The following SLC47A1 variants were observed in gnomAD, a reference collection of about 807,000 sequenced individuals.
SLC47A1 encodes the protein multidrug and toxin extrusion protein 1.
Under a neutral mutation model 65.8 loss-of-function variants are expected in SLC47A1, and 58 were observed. The ratio of observed to expected loss-of-function variants is 0.88; its 90% CI spans 0.71 to 1.10. SLC47A1 has a LOEUF of 1.10. SLC47A1 is among the 50% of genes least tolerant of loss of function. The probability of loss-of-function intolerance (pLI) is 0.00; values close to 1 mark genes in which losing one functional copy is unlikely to be tolerated. For missense variants in SLC47A1, 706 were observed against 719.2 expected (o/e 0.98, Z 0.21); for synonymous variants, 285 against 295.0 (o/e 0.97, Z 0.35).
intron 12 of SLC47A1, among the ~76,000 whole-genome samples, chr17:19,563,534 CAG>C (rs1460162410): frequency 6.6e-6 from 1 of 151,896 alleles, no homozygotes; most frequent in East Asian, 1.9e-4. Context: ...ATAGATAAAA[CAG>C]AAAATTTCAG....
In SLC47A1 at chr17:19,555,254, C is replaced by T. The variant is rs771345057; in HGVS notation, c.586C>T (p.Leu196Phe). ...PQIVTGVAAN[L>F]VNALANYLFL... ...GATCGTAACTGGAGTTGCAGCCAACCTTGTCAATGCCCTCGCCAACTATCT... is the reference window on the plus strand; with the variant it reads ...GATCGTAACTGGAGTTGCAGCCAACTTTGTCAATGCCCTCGCCAACTATCT... The change falls in exon 7 of 17, where the codon CTT (leucine) becomes TTT (phenylalanine). Residue 196 changes from leucine to phenylalanine, a missense_variant. Coordinates refer to ENST00000270570, the MANE Select transcript of SLC47A1 (RefSeq NM_018242.3). 2 of 1,614,210 alleles carry T rather than the reference C, an allele frequency of 1.2e-6. No individual in the cohort carries two copies. Among genetic ancestry groups the T allele is most frequent in the South Asian group, 2.2e-5 (2 of 91,086 alleles).
chr17:19,543,441 G>C (rs1442920517), intron 2 of SLC47A1, among the ~76,000 whole-genome samples: 1 of 151,710 alleles, frequency 6.6e-6, no homozygotes, highest in Non-Finnish European at 1.5e-5. Context: ...CATGGAACTC[G>C]TTCCCACTCT....
At chr17:19,549,416 C>T (rs1597498249) in intron 4 of SLC47A1, among the ~76,000 whole-genome samples, 4 of 152,208 alleles carry the variant, frequency 2.6e-5, no homozygotes, top group Non-Finnish European at 5.9e-5. Flanking sequence ...CCAGGCTGGT[C>T]TCGAACTCCT....
At chr17:19,547,427 A>G (rs1406408355) in intron 3 of SLC47A1, among the ~76,000 whole-genome samples, 1 of 149,092 alleles carries the variant, frequency 6.7e-6, no homozygotes, top group Non-Finnish European at 1.5e-5. Context: ...GGCTCACTGC[A>G]AACTTTGCCT....
chr17:19,558,470 A>ATT (rs112762519), intron 10 of SLC47A1, among the ~76,000 whole-genome samples: 1 of 144,084 alleles, frequency 6.9e-6, no homozygotes, highest in East Asian at 2.0e-4. Context: ...TATTTTACTT[A>ATT]TTTTTTTTTT....
At chr17:19,554,788 A>G (rs1916556070) in intron 6 of SLC47A1, among the ~76,000 whole-genome samples, 1 of 152,174 alleles carries the variant, frequency 6.6e-6, no homozygotes, top group African/African-American at 2.4e-5. Context: ...TCTAGAAAGA[A>G]ACTCTAGTTT....
At chr17:19,553,617 C>T (rs1916517291) in intron 6 of SLC47A1, among the ~76,000 whole-genome samples, 3 of 151,158 alleles carry the variant, frequency 2.0e-5, no homozygotes, top group South Asian at 2.1e-4. Flanking sequence ...CCTCGGCTCA[C>T]TGCAACCTCC....
intron 15 of SLC47A1, among the ~76,000 whole-genome samples, chr17:19,572,050 A>T (rs1046082044): frequency 1.3e-5 from 2 of 152,178 alleles, no homozygotes; most frequent in Non-Finnish European, 2.9e-5. Context: ...GCTATTCAGG[A>T]GGCTGAGGCA....
chr17:19,567,275 G>A, intron 14 of SLC47A1, 47 bp downstream of exon 14: 2 of 1,612,096 alleles, frequency 1.2e-6, no homozygotes, highest in Non-Finnish European at 1.7e-6. Flanking sequence ...CACCAGCCCA[G>A]GAAATGACCG....
Position 19,577,848 on chromosome 17 carries a change from AT to A in SLC47A1, c.*302del. The A allele has an allele frequency of 7.9e-7, 1 of 1,272,572 alleles. No individual in the cohort carries two copies. Among genetic ancestry groups the A allele is most frequent in the Non-Finnish European group, 1.0e-6 (1 of 998,898 alleles). The allele number at this position is 1,272,572 out of a possible 1,614,324, so 78.8% of individuals were successfully genotyped here. ...GGCCAATGGCTTTGATACTTCTGCT[AT>A]TTTTTTAGACACAAACCCATAAACT... On this transcript the variant is annotated 3_prime_UTR_variant, in exon 17 of 17. Coordinates refer to ENST00000270570, the MANE Select transcript of SLC47A1 (RefSeq NM_018242.3).
In SLC47A1 at chr17:19,555,705, T is replaced by G; in HGVS notation, c.739+15T>G. On this transcript the variant is annotated intron_variant, in intron 8 of 16. Coordinates refer to ENST00000270570, the MANE Select transcript of SLC47A1 (RefSeq NM_018242.3). ...TACATGGGGAGGTAATGACTGCCCT[T>G]TTGTCTTCCAACTGGGATGTGGGTT... 6.2e-7 allele frequency: 1 copy of G among 1,613,962 alleles called. No individual in the cohort carries two copies. Among genetic ancestry groups the G allele is most frequent in the Non-Finnish European group, 8.5e-7 (1 of 1,179,886 alleles).
At chr17:19,566,410 T>C (rs2084358030) in intron 12 of SLC47A1, among the ~76,000 whole-genome samples, 3 of 152,180 alleles carry the variant, frequency 2.0e-5, no homozygotes, top group African/African-American at 7.2e-5. Flanking sequence ...CATGTGCATG[T>C]CTGTAATATG....
chr17:19,559,867 A>AC (rs1555625918), intron 10 of SLC47A1, among the ~76,000 whole-genome samples: 12 of 151,870 alleles, frequency 7.9e-5, no homozygotes, highest in African/African-American at 2.9e-4. Context: ...CAAAAAAAAA[A>AC]CAGACAAAAC....
chr17:19,541,508 A>G (rs944213732), intron 1 of SLC47A1, among the ~76,000 whole-genome samples: 2 of 152,158 alleles, frequency 1.3e-5, no homozygotes, highest in Non-Finnish European at 2.9e-5. Flanking sequence ...TGCCCACTGG[A>G]ATTTCGAGGA....
intron 3 of SLC47A1, chr17:19,546,898 C>T: frequency 5.5e-6 from 1 of 181,642 alleles, no homozygotes; most frequent in Non-Finnish European, 1.1e-5. Flanking sequence ...AGCAACCAGG[C>T]CTTGGGTGAA....
At chr17:19,559,431 A>G (rs1000911833) in intron 10 of SLC47A1, among the ~76,000 whole-genome samples, 13 of 152,358 alleles carry the variant, frequency 8.5e-5, no homozygotes, top group Admixed American at 7.8e-4. Flanking sequence ...CTGAGGTTGC[A>G]GGATCGTTTG....
In SLC47A1 at chr17:19,543,556, T is replaced by TGA. The variant is rs139980039; in HGVS notation, c.237+1066_237+1067dup. On this transcript the variant is annotated intron_variant, in intron 2 of 16. Coordinates refer to ENST00000270570, the MANE Select transcript of SLC47A1 (RefSeq NM_018242.3). The stretch of plus-strand genomic sequence containing the variant: ...CCCACTCCTCAGTTGTCTGTCTTAC[T>TGA]GAGAGTCCTAATCTAGAAATGGGTC... Among the ~76,000 whole-genome samples the TGA allele has an allele frequency of 6.6e-3, 1,007 of 152,336 alleles. 35 individuals are homozygous for TGA. The East Asian group carries it at 0.078, about 12-fold the overall frequency.
chr17:19,533,927 G>C lies in SLC47A1; in HGVS notation c.-13G>C. The stretch of plus-strand genomic sequence containing the variant: ...CCGGCCTCCGCGCTACCCGGCCGCA[G>C]CGCGCGAGTCACATGGAAGCTCCTG... On this transcript the variant is annotated 5_prime_UTR_variant, in exon 1 of 17. Transcript: ENST00000270570. 2.0e-6 allele frequency: 3 copies of C among 1,489,218 alleles called. No homozygotes were observed. Among genetic ancestry groups the C allele is most frequent in the Non-Finnish European group, 2.7e-6 (3 of 1,123,874 alleles). The allele number at this position is 1,489,218 out of a possible 1,614,324, so 92.3% of individuals were successfully genotyped here.
intron 13 of SLC47A1, 48 bp from the exon 14 acceptor site, chr17:19,567,048 C>T (rs2084363695): frequency 3.7e-6 from 6 of 1,612,930 alleles, no homozygotes; most frequent in Non-Finnish European, 5.1e-6. Context: ...GGGAGTGTTT[C>T]AAGAGCGCCG....
Sources: allele counts gnomAD v4.1 joint callset (sites outside exome capture counted in the v4.1 genomes callset), GRCh38; gene constraint gnomAD v4.1.1; transcripts MANE v1.5; gene names NCBI Gene and HGNC (gene_info 2026-07-23, HGNC 2026-07-21).